Variants in RECK observed in about 807,000 individuals in gnomAD.
RECK encodes the protein reversion-inducing cysteine-rich protein with Kazal motifs.
Under a neutral mutation model 115.1 loss-of-function variants are expected in RECK, and 69 were observed. That is an observed-to-expected ratio of 0.60 (90% CI 0.49 to 0.73). The LOEUF is 0.73. RECK is among the 30% of genes least tolerant of loss of function. The pLI is 0.00. For missense variants in RECK, 1,047 were observed against 1,203.7 expected, an observed-to-expected ratio of 0.87 and a Z score of 1.93; for synonymous variants, 414 against 419.7, an observed-to-expected ratio of 0.99 and a Z score of 0.17.
Position 36,105,127 on chromosome 9 carries a change from G to A in RECK, c.1436-16G>A, listed in dbSNP as rs764769318. 1 of 1,611,608 alleles carries A rather than the reference G, an allele frequency of 6.2e-7. No individual in the cohort carries two copies. Among genetic ancestry groups the A allele is most frequent in the Admixed American group, 1.7e-5 (1 of 59,812 alleles). ...TCTTTTAGGTTGGTTAAACTAATCTGTTTTGGTTTTTTCAGGGCCAAGTAC... is the reference window on the plus strand; with the variant it reads ...TCTTTTAGGTTGGTTAAACTAATCTATTTTGGTTTTTTCAGGGCCAAGTAC... On this transcript the variant is annotated splice_polypyrimidine_tract_variant and intron_variant, in intron 12 of 20. Transcript: ENST00000377966.
In RECK at chr9:36,121,560, C is replaced by A. The variant is rs1824460856; in HGVS notation, c.2566C>A (p.Leu856Met). The A allele has an allele frequency of 6.2e-7, 1 of 1,614,004 alleles. No individual in the cohort carries two copies. The highest frequency in any genetic ancestry group is 8.5e-7 in the Non-Finnish European group (1 of 1,179,916). The change falls in exon 20 of 21, where the codon CTG becomes ATG. Residue 856 changes from leucine (L) to methionine (M), a missense_variant. Transcript: ENST00000377966. ...KVTNKKPITV[L>M]EILQKIRMHV... ...AACAAATAAAAAGCCAATAACAGTT[C>A]TGGAAATACTTCAGAAAATCCGCAT...
intron 4 of RECK, among the ~76,000 whole-genome samples, chr9:36,061,393 T>TGCACACAC (rs575009511): frequency 7.8e-6 from 1 of 129,030 alleles, no homozygotes; most frequent in Non-Finnish European, 1.7e-5. Flanking sequence ...TGTAATTTTC[T>TGCACACAC]ACACACACAC....
chr9:36,078,765 G>A (rs1032322446), intron 6 of RECK, among the ~76,000 whole-genome samples: 3 of 152,012 alleles, frequency 2.0e-5, no homozygotes, highest in Non-Finnish European at 4.4e-5. Context: ...AAACCAAAGG[G>A]AACAAAGATC....
At chr9:36,108,906 C>A (rs2132662555) in intron 14 of RECK, among the ~76,000 whole-genome samples, 1 of 152,106 alleles carries the variant, frequency 6.6e-6, no homozygotes, top group African/African-American at 2.4e-5. Context: ...TCCCCACAAG[C>A]TCACTCTGCT....
intron 2 of RECK, among the ~76,000 whole-genome samples, chr9:36,057,920 C>T (rs1336916654): frequency 6.6e-6 from 1 of 151,888 alleles, no homozygotes; most frequent in African/African-American, 2.4e-5. Context: ...CATCACTGGC[C>T]ATCAGAGAAA....
intron 11 of RECK, 115 bp downstream of exon 11, chr9:36,100,658 C>T (rs1458192847): frequency 6.9e-6 from 5 of 726,548 alleles, no homozygotes; most frequent in African/African-American, 3.5e-5. Context: ...CTATCACCCC[C>T]GTATGTCAAA....
At chr9:36,058,673 ATAAAT>A (rs1327198509) in intron 2 of RECK, among the ~76,000 whole-genome samples, 149 bp from the exon 3 acceptor site, 3 of 150,118 alleles carry the variant, frequency 2.0e-5, no homozygotes, top group Admixed American at 1.3e-4. Context: ...AAATAAATAA[ATAAAT>A]AAATAAAAAT....
intron 3 of RECK, among the ~76,000 whole-genome samples, chr9:36,059,140 C>G (rs1266400766): frequency 1.3e-5 from 2 of 151,836 alleles, no homozygotes. Flanking sequence ...TAAATGTGTT[C>G]CTATCTTTAA....
At chr9:36,105,451 T>C (rs1375200724) in intron 13 of RECK, among the ~76,000 whole-genome samples, 168 bp downstream of exon 13, 2 of 152,256 alleles carry the variant, frequency 1.3e-5, no homozygotes, top group Non-Finnish European at 2.9e-5. Flanking sequence ...CTATAATGTT[T>C]TGAGATTTTC....
intron 12 of RECK, among the ~76,000 whole-genome samples, chr9:36,104,301 T>TGC (rs1564130760): frequency 0.015 from 887 of 60,242 alleles, 60 homozygotes; most frequent in African/African-American, 0.072. Context: ...TGTATATATA[T>TGC]ATATATATAT....
chr9:36,039,811 A>T (rs1016484509), intron 1 of RECK, among the ~76,000 whole-genome samples: 20 of 152,252 alleles, frequency 1.3e-4, no homozygotes, highest in African/African-American at 4.1e-4. Context: ...ATCTGGAGCA[A>T]AGTAATAAGA....
At chr9:36,082,967 C>T (rs574781968) in intron 7 of RECK, among the ~76,000 whole-genome samples, 1 of 152,316 alleles carries the variant, frequency 6.6e-6, no homozygotes, top group African/African-American at 2.4e-5. Context: ...CAGAAAGACA[C>T]TGCTTCACTG....
chr9:36,071,486 G>A (rs1440750185), intron 6 of RECK, among the ~76,000 whole-genome samples: 3 of 152,258 alleles, frequency 2.0e-5, no homozygotes, highest in Admixed American at 2.0e-4. Context: ...TTTGCTGTGT[G>A]AGCCACTGAA....
At chr9:36,096,266 G>T (rs1255390305) in intron 10 of RECK, among the ~76,000 whole-genome samples, 1 of 151,436 alleles carries the variant, frequency 6.6e-6, no homozygotes, top group Non-Finnish European at 1.5e-5. Flanking sequence ...GCTGGGCATG[G>T]TGGCTCACGC....
intron 8 of RECK, chr9:36,085,311 G>A (rs746363760): frequency 2.4e-5 from 4 of 164,630 alleles, no homozygotes; most frequent in Non-Finnish European, 2.7e-5. Flanking sequence ...CAGAGTCTCC[G>A]CTTTGTACAT....
intron 6 of RECK, among the ~76,000 whole-genome samples, chr9:36,074,526 A>AT (rs1187864531): frequency 1.3e-5 from 2 of 152,212 alleles, no homozygotes; most frequent in Admixed American, 6.5e-5. Flanking sequence ...GCCTAGGGAA[A>AT]TGGGGAAGTC....
At chr9:36,091,414 A>T (rs1823151167) in intron 10 of RECK, 71 bp downstream of exon 10, 1 of 1,130,218 alleles carries the variant, frequency 8.8e-7, no homozygotes, top group Non-Finnish European at 1.2e-6. Context: ...ATACCACTTT[A>T]TTCTGATTTT....
rs1823028336 is a variant in RECK, at chr9:36,087,932, T to C, written c.876T>C (p.Cys292=). 1 of 1,613,576 alleles carries C rather than the reference T, an allele frequency of 6.2e-7. No individual in the cohort carries two copies. Among genetic ancestry groups the C allele is most frequent in the Non-Finnish European group, 8.5e-7 (1 of 1,179,578 alleles). The change falls in exon 9 of 21, where the codon TGT becomes TGC. Residue 292 remains cysteine (C), a synonymous_variant. Transcript: ENST00000377966. The part of the protein sequence containing the change: ...STGLDGAKLH[C]CSKANTSTCR... ...GCCTCGATGGGGCTAAATTGCATTGTTGTTCTAAAGCAAACACTTCAACAT... is the reference window on the plus strand; with the variant it reads ...GCCTCGATGGGGCTAAATTGCATTGCTGTTCTAAAGCAAACACTTCAACAT...
At chr9:36,091,065 C>G in intron 9 of RECK, 99 bp from the exon 10 acceptor site, 2 of 1,034,556 alleles carry the variant, frequency 1.9e-6, no homozygotes, top group East Asian at 2.8e-5. Context: ...TTCTCACATA[C>G]GTTCCAAAGT....
Sources: gnomAD v4.1 joint callset for allele counts (sites outside exome capture counted in the v4.1 genomes callset) on GRCh38, gnomAD v4.1.1 for gene constraint, MANE v1.5 for transcripts, NCBI Gene and HGNC (gene_info 2026-07-23, HGNC 2026-07-21) for gene names.